AMBN: variants seen among roughly 807,000 people sequenced by gnomAD.
AMBN encodes ameloblastin, also known as enamel matrix protein.
A neutral mutation model predicts 48.0 loss-of-function variants in AMBN; 54 were observed. That is an observed-to-expected ratio of 1.12 (90% CI 0.90 to 1.41). The LOEUF (loss-of-function observed/expected upper bound fraction) is 1.41. Ranked by LOEUF, AMBN falls within the 40% of genes most tolerant of loss-of-function variation. The pLI, the probability that AMBN is intolerant of heterozygous loss-of-function variation, is 0.00. For missense variants in AMBN, 571 were observed against 547.3 expected, an observed-to-expected ratio of 1.04 and a Z score of -0.43; for synonymous variants, 186 against 190.0, an observed-to-expected ratio of 0.98 and a Z score of 0.17.
intron 11 of AMBN, 80 bp downstream of exon 11, chr4:70,603,540 C>T: frequency 4.4e-6 from 6 of 1,356,346 alleles, no homozygotes; most frequent in Non-Finnish European, 6.2e-6. Flanking sequence ...CTAGGTCTCA[C>T]ACAAGAGATT....
chr4:70,597,406 T>C (rs1156747801), intron 3 of AMBN, among the ~76,000 whole-genome samples: 1 of 152,096 alleles, frequency 6.6e-6, no homozygotes, highest in Non-Finnish European at 1.5e-5. Context: ...CTATCTTACA[T>C]GATAAAGTTC....
At position 70,602,896 on chromosome 4, in the gene AMBN, TTGTC is replaced by T. The variant is rs1216720315; in HGVS notation, c.609+62_609+65del. 11 of 1,533,566 alleles carry T rather than the reference TTGTC, an allele frequency of 7.2e-6. No homozygotes were observed. In the African/African-American group the frequency reaches 1.3e-4, roughly 17 times the overall value. The allele number at this position is 1,533,566 out of a possible 1,614,324, so 95.0% of individuals were successfully genotyped here. A position where few individuals can be genotyped will look rare whatever the true frequency, so the allele number is the denominator to read the frequency against. On this transcript the variant is annotated intron_variant, in intron 8 of 12. Transcript: ENST00000322937. ...TTATTTTTATTTTTATTTGTTCACT[TTGTC>T]TATCTTTTATTTGCATTTATCTATT...
At chr4:70,601,974 T>C in intron 6 of AMBN, 1 of 494,568 alleles carries the variant, frequency 2.0e-6, no homozygotes, top group East Asian at 5.6e-5. Context: ...CTATCACTGG[T>C]CTTTTTTGGT....
rs745654916 is a variant in AMBN, at chr4:70,603,476, A to G, written c.753+16A>G. 4 of 1,605,854 alleles carry G rather than the reference A, an allele frequency of 2.5e-6. No homozygotes were observed. The East Asian group carries it at 6.7e-5, about 27-fold the overall frequency. On this transcript the variant is annotated intron_variant, in intron 11 of 12. Coordinates refer to ENST00000322937, the MANE Select transcript of AMBN (RefSeq NM_016519.6). ...AAATCAATTGGTAAGTCCATATTCT[A>G]TAAAAAGTATTGTTTTTAATTAAAT...
Position 70,606,378 on chromosome 4 carries a change from C to T in AMBN, c.992C>T (p.Ala331Val). 1.2e-6 allele frequency: 2 copies of T among 1,614,014 alleles called. No individual in the cohort carries two copies. Among genetic ancestry groups the T allele is most frequent in the African/African-American group, 1.3e-5 (1 of 75,022 alleles). The change falls in exon 13 of 13, where the codon GCC becomes GTC. Residue 331 changes from alanine to valine, a missense_variant. Transcript: ENST00000322937. ...GGAQGSPMPEANPDNLENPAF... is the reference protein window; with the variant it reads ...GGAQGSPMPEVNPDNLENPAF... ...GCACAAGGCTCCCCTATGCCGGAGG[C>T]CAACCCAGACAATCTAGAAAACCCA... is the stretch of plus-strand genomic sequence containing the variant.
intron 5 of AMBN, among the ~76,000 whole-genome samples, chr4:70,599,974 T>A (rs1487250700): frequency 6.6e-6 from 1 of 152,154 alleles, no homozygotes; most frequent in African/African-American, 2.4e-5. Flanking sequence ...CCTAAATAAT[T>A]CCTCAAAGGC....
intron 1 of AMBN, 81 bp from the exon 2 acceptor site, chr4:70,593,234 AGCAGAGACTCAG>A: frequency 1.0e-6 from 1 of 994,302 alleles, no homozygotes; most frequent in Non-Finnish European, 1.5e-6. Flanking sequence ...TTTTTGTAAG[AGCAGAGACTCAG>A]GCTCATTTTC....
Position 70,601,635 on chromosome 4 carries a change from A to G in AMBN, c.512A>G (p.Asp171Gly). Residue 171 changes from aspartate to glycine, a missense_variant, in exon 6 of 13, where the codon GAT becomes GGT. Physicochemically the swap from Asp to Gly is moderately conservative, Grantham distance 94. Coordinates refer to ENST00000322937, the MANE Select transcript of AMBN (RefSeq NM_016519.6). ...GTTCAGCAGCAGGTGGCACCATCAG[A>G]TAAGCCACCAAAGCCTGAGGTACTT... ...PLVQQQVAPS[D>G]KPPKPELPGV... 6.2e-7 allele frequency: 1 copy of G among 1,614,112 alleles called. No homozygotes were observed. The highest frequency in any genetic ancestry group is 8.5e-7 in the Non-Finnish European group (1 of 1,179,962).
chr4:70,605,561 CA>C (rs1454253325), intron 12 of AMBN, among the ~76,000 whole-genome samples: 4 of 152,016 alleles, frequency 2.6e-5, no homozygotes, highest in African/African-American at 9.7e-5. Flanking sequence ...TATTTGTCCA[CA>C]AGAAGAAAAT....
rs542167730 is a variant in AMBN, at chr4:70,592,303, T to C, written c.-56T>C. The C allele has an allele frequency of 2.2e-5, 36 of 1,602,750 alleles. 1 individual carries two copies. In the South Asian group the frequency reaches 4.0e-4, roughly 18 times the overall value. On this transcript the variant is annotated 5_prime_UTR_variant, in exon 1 of 13. Coordinates refer to ENST00000322937, the MANE Select transcript of AMBN (RefSeq NM_016519.6). ...CGCACAGTCCTGAAAAAAATTTTAA[T>C]CTTCTTTTCTTAGAACTATCTTGGT...
rs370798263 is a variant in AMBN, at chr4:70,601,367, G to A, written c.295-51G>A. On this transcript the variant is annotated intron_variant, in intron 5 of 12. Transcript: ENST00000322937. Reference sequence around the variant, plus strand: ...CCTTTGTTTAGAAATTCTAGGCACCGTTGTTTAATGAGCCATCCCTTCCTA... The same window carrying A: ...CCTTTGTTTAGAAATTCTAGGCACCATTGTTTAATGAGCCATCCCTTCCTA... 2.3e-5 allele frequency: 36 copies of A among 1,573,252 alleles called. No homozygotes were observed. In the African/African-American group the frequency reaches 2.3e-4, roughly 10 times the overall value.
At chr4:70,602,946 A>G (rs2109803920) in intron 8 of AMBN, 26 bp from the exon 9 acceptor site, 1 of 1,577,750 alleles carries the variant, frequency 6.3e-7, no homozygotes, top group South Asian at 1.2e-5. Flanking sequence ...TTTGACTGAT[A>G]ATTTTAATAT....
chr4:70,593,863 T>TAA (rs5859239), intron 2 of AMBN, among the ~76,000 whole-genome samples: 11 of 138,268 alleles, frequency 8.0e-5, no homozygotes, highest in African/African-American at 1.9e-4. Context: ...AGACTCCATT[T>TAA]AAAAAAAAAA....
At position 70,601,425 on chromosome 4, in the gene AMBN, A is replaced by G; in HGVS notation, c.302A>G (p.Tyr101Cys). 3 of 1,613,930 alleles carry G rather than the reference A, an allele frequency of 1.9e-6. No homozygotes were observed. Among genetic ancestry groups the G allele is most frequent in the East Asian group, 2.2e-5 (1 of 44,870 alleles). Residue 101 changes from tyrosine to cysteine, a missense_variant, in exon 6 of 13, where the codon TAT (tyrosine) becomes TGT (cysteine). By Grantham distance (194) the Tyr-to-Cys change is radical (BLOSUM62 -2). Coordinates refer to ENST00000322937, the MANE Select transcript of AMBN (RefSeq NM_016519.6). ...TTTCAAATTTCTCTGCAGTATGAAT[A>G]TTCTTTGCCTGTGCATCCCCCACCT... ...PREHETQQYE[Y>C]SLPVHPPPLP...
At chr4:70,596,657 A>T (rs1420971204) in intron 2 of AMBN, among the ~76,000 whole-genome samples, 1 of 152,254 alleles carries the variant, frequency 6.6e-6, no homozygotes, top group Non-Finnish European at 1.5e-5. Context: ...GGTAATTTTT[A>T]AAGAAAATAA....
rs145196562 is a variant in AMBN, at chr4:70,596,053, G to T, written c.85-946G>T. Among the ~76,000 whole-genome samples, 616 of 152,164 alleles carry T rather than the reference G, an allele frequency of 4.0e-3. 1 individual carries two copies. Among genetic ancestry groups the T allele is most frequent in the African/African-American group, 0.014 (587 of 41,528 alleles). On this transcript the variant is annotated intron_variant, in intron 2 of 12. Transcript: ENST00000322937. ...ATCTGTAATCCCAGCACTTTGGGAG[G>T]CTAAGGTGGGCGGATCACTTGAGCT... is the stretch of plus-strand genomic sequence containing the variant.
intron 2 of AMBN, among the ~76,000 whole-genome samples, chr4:70,595,314 A>G (rs566052665): frequency 1.2e-3 from 184 of 151,610 alleles, no homozygotes; most frequent in African/African-American, 4.1e-3. Context: ...CAGCCTCCCA[A>G]GTAGCTGGGA....
chr4:70,602,004 GTGAT>G, intron 6 of AMBN: 1 of 462,830 alleles, frequency 2.2e-6, no homozygotes, highest in Non-Finnish European at 4.2e-6. Context: ...ACTGAAAAAA[GTGAT>G]TGATCCCTCA....
chr4:70,599,427 A>C (rs1460234875), intron 4 of AMBN, 109 bp from the exon 5 acceptor site: 16 of 791,048 alleles, frequency 2.0e-5, no homozygotes, highest in Non-Finnish European at 3.0e-5. Flanking sequence ...GCGACAGAGC[A>C]AGATTCCATC....
Sources: allele counts gnomAD v4.1 joint callset (sites outside exome capture counted in the v4.1 genomes callset), GRCh38; gene constraint gnomAD v4.1.1; transcripts MANE v1.5; gene names NCBI Gene and HGNC (gene_info 2026-07-23, HGNC 2026-07-21).